CELF2: variants seen among roughly 807,000 people sequenced by gnomAD.
The protein encoded by CELF2 is CUG triplet repeat RNA-binding protein 2.
In CELF2, 8 loss-of-function variants were observed where a neutral mutation model predicts 62.6. The observed-to-expected ratio is 0.13, with a 90% CI of 0.07 to 0.23. The LOEUF (loss-of-function observed/expected upper bound fraction) is 0.23. CELF2 is among the 10% of genes least tolerant of loss of function. The probability of loss-of-function intolerance (pLI) is 1.00; values close to 1 mark genes in which losing one functional copy is unlikely to be tolerated. For missense variants in CELF2, 333 were observed against 671.0 expected (o/e 0.50, Z 5.56); for synonymous variants, 258 against 250.0 (o/e 1.03, Z -0.30).
intron 3 of CELF2, among the ~76,000 whole-genome samples, chr10:11,226,600 CCACACACACACACA>C (rs59521803): frequency 1.9e-4 from 5 of 25,894 alleles, no homozygotes; most frequent in Non-Finnish European, 3.7e-4. Flanking sequence ...CAGGCAGTGG[CCACACACACACACA>C]CACACACACA....
intron 1 of CELF2, among the ~76,000 whole-genome samples, chr10:11,061,157 AG>A (rs2066641390): frequency 6.6e-6 from 1 of 152,248 alleles, no homozygotes; most frequent in Admixed American, 6.5e-5. Flanking sequence ...GCAAAGGAAA[AG>A]TTCTTGAAGG....
In CELF2 at chr10:11,159,990, G is replaced by A. The variant is rs767584542; in HGVS notation, c.75-5496G>A. Among the ~76,000 whole-genome samples the A allele has an allele frequency of 2.6e-5, 4 of 152,124 alleles. No individual in the cohort carries two copies. The South Asian group carries it at 6.2e-4, about 24-fold the overall frequency. ...TTAACCGGCCACTCAGCGGCCTGTC[G>A]GAGCCTCCAGGCTACTCTCCATAGT... On this transcript the variant is annotated intron_variant, in intron 1 of 12. Coordinates refer to ENST00000633077, the MANE Select transcript of CELF2 (RefSeq NM_001326342.2). The surrounding 1 kb of genome is among the most constrained non-coding windows in gnomAD (Gnocchi z 5.0).
Position 11,117,863 on chromosome 10 carries a change from A to G in CELF2, c.75-47623A>G, listed in dbSNP as rs138044660. On this transcript the variant is annotated intron_variant, in intron 1 of 12. Transcript: ENST00000633077. This position sits in a 1 kb window ranked among gnomAD's most constrained non-coding sequence, Gnocchi z 4.1. ...TCATGCATGCACAACATGATAGGCC[A>G]TGTCACTCCTCACAGCCTTTTTCTG... is the stretch of plus-strand genomic sequence containing the variant. Among the ~76,000 whole-genome samples the G allele has an allele frequency of 6.3e-3, 962 of 152,256 alleles. 30 individuals are homozygous for G. Among genetic ancestry groups the G allele is most frequent in the Admixed American group, 0.044 (672 of 15,286 alleles).
chr10:10,664,261 G>T, the CELF2 span, among the ~76,000 whole-genome samples: 5,619 of 152,270 alleles, frequency 0.037, 253 homozygotes, highest in Admixed American at 0.084. Flanking sequence ...TGCAAGAAGA[G>T]AAATCACTAC....
rs1195630429 is a variant in CELF2, at chr10:10,995,428, A to T, written c.89+75429A>T. Reference sequence around the variant, plus strand: ...AGCTCAGCCCTGAAGGATACACAGAAATAAACCCAGTCACAGGGTGGGGAT... The same window carrying T: ...AGCTCAGCCCTGAAGGATACACAGATATAAACCCAGTCACAGGGTGGGGAT... On this transcript the variant is annotated intron_variant, in intron 2 of 13. Coordinates refer to the CELF2 transcript ENST00000636488. The surrounding 1 kb of genome is among the most constrained non-coding windows in gnomAD (Gnocchi z 4.7). Among the ~76,000 whole-genome samples, 1 of 152,218 alleles carries T rather than the reference A, an allele frequency of 6.6e-6. No homozygotes were observed. The highest frequency in any genetic ancestry group is 2.4e-5 in the African/African-American group (1 of 41,450).
chr10:10,630,752 G>A, the CELF2 span, among the ~76,000 whole-genome samples: 1 of 152,180 alleles, frequency 6.6e-6, no homozygotes, highest in South Asian at 2.1e-4. Context: ...TATCTGCATG[G>A]CATTTATAGG....
the CELF2 span, among the ~76,000 whole-genome samples, chr10:10,719,702 G>A: frequency 1.3e-5 from 2 of 152,110 alleles, no homozygotes; most frequent in Non-Finnish European, 2.9e-5. Flanking sequence ...CTTGCTCTGT[G>A]ACCCTAACCT....
At chr10:10,817,267 C>T (rs1272098572) in intron 1 of CELF2, among the ~76,000 whole-genome samples, 1 of 152,106 alleles carries the variant, frequency 6.6e-6, no homozygotes, top group African/African-American at 2.4e-5. Flanking sequence ...TTGATACAGG[C>T]ATGCAATGTG....
At chr10:10,718,912 T>C in the CELF2 span, among the ~76,000 whole-genome samples, 1 of 152,056 alleles carries the variant, frequency 6.6e-6, no homozygotes, top group Non-Finnish European at 1.5e-5. Context: ...AATATTTCCA[T>C]TGATTGTAAG....
the CELF2 span, among the ~76,000 whole-genome samples, chr10:10,544,375 G>A: frequency 2.0e-5 from 3 of 152,372 alleles, no homozygotes; most frequent in Non-Finnish European, 4.4e-5. Context: ...AAGGGTAAGA[G>A]TGCATTTGGG....
At chr10:10,998,235 C>T (rs188020504) in intron 2 of CELF2, among the ~76,000 whole-genome samples, 2 of 152,274 alleles carry the variant, frequency 1.3e-5, no homozygotes, top group Non-Finnish European at 2.9e-5. Context: ...CTTTCTAGAG[C>T]CCCAAACCTT....
chr10:10,733,507 A>C, the CELF2 span, among the ~76,000 whole-genome samples: 1 of 152,098 alleles, frequency 6.6e-6, no homozygotes, highest in African/African-American at 2.4e-5. Flanking sequence ...TTCAAGTTTC[A>C]TGGGGCCTGT....
chr10:11,272,157 T>G (rs1299644751), intron 7 of CELF2, among the ~76,000 whole-genome samples: 4 of 152,196 alleles, frequency 2.6e-5, no homozygotes. Context: ...TTTCCTGTCT[T>G]CCTCTGTGCT....
rs1217515808 is a variant in CELF2 at position 11,268,952 on chromosome 10, G to C, written c.619-1714G>C. Among the ~76,000 whole-genome samples the C allele has an allele frequency of 2.6e-5, 4 of 151,922 alleles. No homozygotes were observed. The highest frequency in any genetic ancestry group is 4.4e-5 in the Non-Finnish European group (3 of 67,976). On this transcript the variant is annotated intron_variant, in intron 6 of 12. Transcript: ENST00000633077. This position sits in a 1 kb window ranked among gnomAD's most constrained non-coding sequence, Gnocchi z 4.7. ...CTCTATCCCTGCCCTGTGTTTCATG[G>C]TTTAAAAAATCATTTTTAAGCTATA...
intron 1 of CELF2, among the ~76,000 whole-genome samples, chr10:10,840,141 G>A (rs35566900): frequency 0.13 from 19,391 of 152,154 alleles, 1,605 homozygotes; most frequent in Non-Finnish European, 0.19. Context: ...TCCAGTTTTG[G>A]CAATTATGAA....
the CELF2 span, among the ~76,000 whole-genome samples, chr10:10,471,496 T>C: frequency 6.6e-6 from 1 of 151,772 alleles, no homozygotes; most frequent in Non-Finnish European, 1.5e-5. Flanking sequence ...GTATCCCTCT[T>C]TTCCTGAGTA....
intron 1 of CELF2, among the ~76,000 whole-genome samples, chr10:10,916,934 C>CT (rs572542157): frequency 0.019 from 2,625 of 141,044 alleles, 25 homozygotes; most frequent in African/African-American, 0.024. Context: ...TCTTCTTCTT[C>CT]TTTTTTTTTT....
At chr10:10,841,839 G>T (rs1249351081) in intron 1 of CELF2, among the ~76,000 whole-genome samples, 1 of 151,882 alleles carries the variant, frequency 6.6e-6, no homozygotes, top group Non-Finnish European at 1.5e-5. Context: ...TAACTTGCTG[G>T]GATTCTTACT....
At chr10:10,944,799 C>T (rs546676959) in intron 2 of CELF2, among the ~76,000 whole-genome samples, 84 of 152,122 alleles carry the variant, frequency 5.5e-4, no homozygotes, top group African/African-American at 1.4e-3. Flanking sequence ...AATGGGGTTT[C>T]GCCACATTGG....
Sources: allele counts gnomAD v4.1 joint callset (sites outside exome capture counted in the v4.1 genomes callset), GRCh38; gene constraint gnomAD v4.1.1; non-coding constraint Gnocchi (gnomAD v3.1); transcripts MANE v1.5; gene names NCBI Gene and HGNC (gene_info 2026-07-23, HGNC 2026-07-21).